NRG1: variants seen among roughly 807,000 people sequenced by gnomAD.
NRG1 encodes the protein neuregulin 1, also known as pro-neuregulin-1, membrane-bound isoform.
NRG1 carries 18 observed loss-of-function variants against 63.8 expected under a neutral mutation model. The observed-to-expected ratio is 0.28, with a 90% CI of 0.19 to 0.42. NRG1 has a LOEUF of 0.42. Ranked by LOEUF, NRG1 falls within the 10% of genes least tolerant of loss-of-function variation. NRG1 has a pLI of 1.00. For synonymous variants in NRG1, 302 were observed against 301.3 expected (o/e 1.00, Z -0.02); for missense variants, 762 against 814.7 (o/e 0.94, Z 0.79).
chr8:32,111,828 G>A (rs890756463), intron 1 of NRG1, among the ~76,000 whole-genome samples: 2 of 152,096 alleles, frequency 1.3e-5, no homozygotes, highest in African/African-American at 4.8e-5. Flanking sequence ...CTTCTATCCA[G>A]GCATGCCTCC....
At chr8:32,713,818 T>A (rs1818457390) in intron 5 of NRG1, among the ~76,000 whole-genome samples, 1 of 148,468 alleles carries the variant, frequency 6.7e-6, no homozygotes, top group Admixed American at 6.8e-5. Context: ...TGATATTATA[T>A]ACATATATAT....
chr8:32,412,451 T>TATATATATAC (rs1340279592), intron 1 of NRG1, among the ~76,000 whole-genome samples: 23 of 59,950 alleles, frequency 3.8e-4, no homozygotes, highest in African/African-American at 1.3e-3. Context: ...TATATATATA[T>TATATATATAC]ACATATATAT....
chr8:31,778,009 GTTAAAC>G (rs1425822693), intron 1 of NRG1, among the ~76,000 whole-genome samples: 1 of 152,114 alleles, frequency 6.6e-6, no homozygotes, highest in African/African-American at 2.4e-5. Flanking sequence ...CCCATAAATG[GTTAAAC>G]TCCGGGAGAG....
At chr8:32,447,647 T>C (rs1406652418) in intron 1 of NRG1, among the ~76,000 whole-genome samples, 1 of 152,128 alleles carries the variant, frequency 6.6e-6, no homozygotes, top group Non-Finnish European at 1.5e-5. Context: ...GGAGAGAGGA[T>C]CGCTTCAGCC....
At chr8:31,925,359 G>T (rs1834276767) in intron 1 of NRG1, among the ~76,000 whole-genome samples, 5 of 151,436 alleles carry the variant, frequency 3.3e-5, no homozygotes. Context: ...CTCTAGAAAT[G>T]CTTTGAAGCC....
chr8:32,435,396 C>A (rs979554389), intron 1 of NRG1, among the ~76,000 whole-genome samples: 4 of 152,160 alleles, frequency 2.6e-5, no homozygotes, highest in Non-Finnish European at 5.9e-5. Flanking sequence ...ATGGTAATAG[C>A]TCAAGTCAAT....
At chr8:32,712,161 G>A (rs774851539) in intron 5 of NRG1, among the ~76,000 whole-genome samples, 11 of 152,166 alleles carry the variant, frequency 7.2e-5, no homozygotes, top group African/African-American at 2.4e-5. Flanking sequence ...ATTCTAGCAT[G>A]TGAAAGAATC....
chr8:32,410,496 A>G (rs1031191365), intron 1 of NRG1, among the ~76,000 whole-genome samples: 1 of 152,122 alleles, frequency 6.6e-6, no homozygotes, highest in African/African-American at 2.4e-5. Context: ...TCTTTCTTCC[A>G]AAATGTATAT....
At chr8:31,691,662 AAAT>A (rs1208811405) in intron 1 of NRG1, among the ~76,000 whole-genome samples, 1 of 151,002 alleles carries the variant, frequency 6.6e-6, no homozygotes, top group Non-Finnish European at 1.5e-5. Flanking sequence ...TTGTTTATAA[AAAT>A]AACCGTTAAT....
intron 1 of NRG1, among the ~76,000 whole-genome samples, chr8:32,323,334 G>A (rs1454656305): frequency 6.6e-6 from 1 of 151,654 alleles, no homozygotes; most frequent in East Asian, 1.9e-4. Context: ...TTTTTTCCAG[G>A]TTTCCTGTTG....
intron 1 of NRG1, among the ~76,000 whole-genome samples, chr8:31,648,072 C>T (rs1475293654): frequency 6.6e-6 from 1 of 150,462 alleles, no homozygotes; most frequent in Non-Finnish European, 1.5e-5. Flanking sequence ...ATTCCCTTTC[C>T]TCCTTTTCCC....
chr8:32,174,767 C>G (rs1278051445), intron 1 of NRG1, among the ~76,000 whole-genome samples: 2 of 152,072 alleles, frequency 1.3e-5, no homozygotes, highest in Admixed American at 1.3e-4. Context: ...ATACACCCTC[C>G]CAAGACTAAA....
intron 1 of NRG1, among the ~76,000 whole-genome samples, chr8:31,932,941 A>G (rs998698884): frequency 1.3e-5 from 2 of 152,218 alleles, no homozygotes; most frequent in Non-Finnish European, 2.9e-5. Context: ...TAAGGCATTC[A>G]TGAGCATCTC....
chr8:31,806,279 G>A (rs994754204), intron 1 of NRG1, among the ~76,000 whole-genome samples: 7 of 151,990 alleles, frequency 4.6e-5, no homozygotes, highest in African/African-American at 1.7e-4. Context: ...TACAACAAGT[G>A]GAATGATTTA....
chr8:32,745,433 C>A (rs1218932639), intron 7 of NRG1, among the ~76,000 whole-genome samples: 1 of 152,092 alleles, frequency 6.6e-6, no homozygotes, highest in Non-Finnish European at 1.5e-5. Flanking sequence ...AGACTTGATA[C>A]AGTGATTCTG....
At chr8:31,649,290 T>C (rs1369520213) in intron 1 of NRG1, among the ~76,000 whole-genome samples, 1 of 152,142 alleles carries the variant, frequency 6.6e-6, no homozygotes, top group African/African-American at 2.4e-5. Context: ...TTGGAGGAGC[T>C]ATCATACTGT....
At chr8:32,229,952 T>C (rs1846741446) in intron 1 of NRG1, among the ~76,000 whole-genome samples, 1 of 152,040 alleles carries the variant, frequency 6.6e-6, no homozygotes, top group African/African-American at 2.4e-5. Flanking sequence ...AAGACAAAGG[T>C]TGCAAGACTA....
intron 1 of NRG1, among the ~76,000 whole-genome samples, chr8:31,693,737 T>C (rs1387426970): frequency 6.6e-6 from 1 of 152,202 alleles, no homozygotes; most frequent in African/African-American, 2.4e-5. Flanking sequence ...TACTTTCAGG[T>C]ATTTATGACA....
chr8:31,774,928 C>CA (rs1358367034), intron 1 of NRG1, among the ~76,000 whole-genome samples: 1 of 151,944 alleles, frequency 6.6e-6, no homozygotes, highest in Non-Finnish European at 1.5e-5. Flanking sequence ...GTCACACACA[C>CA]AAAAAAACCC....
Sources: gnomAD v4.1 joint callset for allele counts (sites outside exome capture counted in the v4.1 genomes callset) on GRCh38, gnomAD v4.1.1 for gene constraint, MANE v1.5 for transcripts, NCBI Gene and HGNC (gene_info 2026-07-23, HGNC 2026-07-21) for gene names.